CDC123: variants seen among roughly 807,000 people sequenced by gnomAD.
CDC123 encodes the protein translation initiation factor eIF2 assembly protein.
A neutral mutation model predicts 54.4 loss-of-function variants in CDC123; 37 were observed. The ratio of observed to expected loss-of-function variants is 0.68; its 90% CI spans 0.52 to 0.89. CDC123 has a LOEUF of 0.89. Among genes scored for constraint, CDC123 ranks in the 40% least tolerant of loss-of-function variants. The pLI is 0.00. For missense variants in CDC123, 361 were observed against 412.1 expected (o/e 0.88, Z 1.07); for synonymous variants, 144 against 136.8 (o/e 1.05, Z -0.37).
chr10:12,227,974 A>G (rs959634852), intron 6 of CDC123, among the ~76,000 whole-genome samples: 1 of 151,964 alleles, frequency 6.6e-6, no homozygotes, highest in Admixed American at 6.6e-5. Flanking sequence ...GCAGGATCTC[A>G]CTCTGGGCTA....
chr10:12,220,677 G>A (rs2131744071), intron 6 of CDC123, among the ~76,000 whole-genome samples: 1 of 152,290 alleles, frequency 6.6e-6, no homozygotes, highest in Admixed American at 6.5e-5. Context: ...AGGCCTTGAA[G>A]AGCTCTTAAA....
chr10:12,244,064 TGAAAACATCCTGC>T (rs889690482), intron 10 of CDC123, among the ~76,000 whole-genome samples: 6 of 152,206 alleles, frequency 3.9e-5, no homozygotes, highest in East Asian at 3.8e-4. Context: ...TGGGTTGTGC[TGAAAACATCCTGC>T]GAAAACATCC....
intron 6 of CDC123, among the ~76,000 whole-genome samples, chr10:12,219,830 G>T (rs1167093089): frequency 2.6e-5 from 4 of 152,006 alleles, no homozygotes; most frequent in Admixed American, 1.3e-4. Context: ...GATTACAGGC[G>T]CATGGCTACC....
At position 12,231,302 on chromosome 10, in the gene CDC123, AT is replaced by A. The variant is rs1835899390; in HGVS notation, c.489+308del. Reference sequence around the variant, plus strand: ...TGTTTCAGCATTTTACCATTTTTATATTGTTCACTCACCTTACAAATAACTT... The same window carrying A: ...TGTTTCAGCATTTTACCATTTTTATATGTTCACTCACCTTACAAATAACTT... On this transcript the variant is annotated intron_variant, in intron 7 of 12. Coordinates refer to ENST00000281141, the MANE Select transcript of CDC123 (RefSeq NM_006023.3). 3.3e-5 allele frequency among the ~76,000 whole-genome samples: 5 copies of A among 152,074 alleles called. No individual in the cohort carries two copies. In the South Asian group the frequency reaches 1.0e-3, roughly 32 times the overall value.
In CDC123 at chr10:12,233,278, TACACACACACACACAC is replaced by T. The variant is rs57596982; in HGVS notation, c.490-1747_490-1732del. 8.9e-5 allele frequency among the ~76,000 whole-genome samples: 13 copies of T among 145,676 alleles called. No homozygotes were observed. In the South Asian group the frequency reaches 2.9e-3, roughly 32 times the overall value. ...TTCTCCTGTCTGTGTGTATTTAAAA[TACACACACACACACAC>T]ACACACACACACACACACACACTCT... On this transcript the variant is annotated intron_variant, in intron 7 of 12. Transcript: ENST00000281141.
chr10:12,239,127 C>A (rs796104286), intron 10 of CDC123, among the ~76,000 whole-genome samples: 1 of 152,116 alleles, frequency 6.6e-6, no homozygotes, highest in African/African-American at 2.4e-5. Context: ...TGCTCTCCAG[C>A]CAGGGTGACA....
chr10:12,249,057 G>A (rs540147930), intron 11 of CDC123, among the ~76,000 whole-genome samples: 1 of 151,596 alleles, frequency 6.6e-6, no homozygotes, highest in Non-Finnish European at 1.5e-5. Context: ...GTTGCAGTGA[G>A]CAACAGAGAC....
At chr10:12,233,694 A>G (rs1362599378) in intron 7 of CDC123, among the ~76,000 whole-genome samples, 3 of 152,102 alleles carry the variant, frequency 2.0e-5, no homozygotes, top group Non-Finnish European at 2.9e-5. Context: ...TTTAATAATT[A>G]CGTATTTTTT....
intron 7 of CDC123, among the ~76,000 whole-genome samples, chr10:12,234,164 G>A (rs1835944586): frequency 6.6e-6 from 1 of 151,968 alleles, no homozygotes; most frequent in Admixed American, 6.5e-5. Flanking sequence ...GCGCAATCTC[G>A]GCTCACTGCA....
intron 11 of CDC123, among the ~76,000 whole-genome samples, chr10:12,248,754 TGA>T (rs1457447495): frequency 6.7e-6 from 1 of 149,454 alleles, no homozygotes; most frequent in Non-Finnish European, 1.5e-5. Flanking sequence ...TGCGATGAGC[TGA>T]GATTGCTCCA....
chr10:12,248,890 A>T (rs531291050), intron 11 of CDC123, among the ~76,000 whole-genome samples: 1 of 151,942 alleles, frequency 6.6e-6, no homozygotes, highest in African/African-American at 2.4e-5. Flanking sequence ...CAGGCAGATC[A>T]CCTGAGGTCA....
intron 2 of CDC123, among the ~76,000 whole-genome samples, chr10:12,209,496 A>C (rs956942604): frequency 1.3e-5 from 2 of 152,128 alleles, no homozygotes; most frequent in African/African-American, 4.8e-5. Context: ...CAGCCTCTCA[A>C]AGTGCTGAAA....
At chr10:12,198,948 A>G (rs1011096191) in intron 2 of CDC123, 172 bp downstream of exon 2, 45 of 515,000 alleles carry the variant, frequency 8.7e-5, no homozygotes, top group African/African-American at 7.6e-4. Context: ...TATTTTCAAC[A>G]TTAAGTACTT....
At chr10:12,237,487 T>G in intron 9 of CDC123, 1 of 265,702 alleles carries the variant, frequency 3.8e-6, no homozygotes, top group Middle Eastern at 1.4e-3. Context: ...CAGGCTGGAG[T>G]GCAGTGGTGC....
At chr10:12,217,943 G>C (rs189924378) in intron 6 of CDC123, among the ~76,000 whole-genome samples, 2 of 152,216 alleles carry the variant, frequency 1.3e-5, no homozygotes, top group African/African-American at 4.8e-5. Flanking sequence ...CAAAAAATTA[G>C]CCGGGCGTGG....
intron 10 of CDC123, among the ~76,000 whole-genome samples, chr10:12,239,790 C>T (rs1236123545): frequency 3.3e-5 from 5 of 151,172 alleles, no homozygotes; most frequent in African/African-American, 4.9e-5. Flanking sequence ...GGGCAGATCA[C>T]GAGGTCAGGA....
intron 6 of CDC123, among the ~76,000 whole-genome samples, chr10:12,219,015 G>A (rs1008045670): frequency 6.6e-6 from 1 of 152,214 alleles, no homozygotes; most frequent in Non-Finnish European, 1.5e-5. Flanking sequence ...AGAAGCAGGA[G>A]CATGAGAGTG....
chr10:12,202,883 C>G (rs576540121), intron 2 of CDC123, among the ~76,000 whole-genome samples: 1 of 152,142 alleles, frequency 6.6e-6, no homozygotes, highest in Non-Finnish European at 1.5e-5. Context: ...GACGTGGTGG[C>G]GCACTCCTGT....
intron 10 of CDC123, among the ~76,000 whole-genome samples, chr10:12,244,462 G>A (rs537258654): frequency 7.2e-5 from 11 of 152,074 alleles, no homozygotes; most frequent in Non-Finnish European, 1.6e-4. Flanking sequence ...CTGTGCCCCC[G>A]CTCTGTGCGT....
Sources: gnomAD v4.1 joint callset for allele counts (sites outside exome capture counted in the v4.1 genomes callset) on GRCh38, gnomAD v4.1.1 for gene constraint, MANE v1.5 for transcripts, NCBI Gene and HGNC (gene_info 2026-07-23, HGNC 2026-07-21) for gene names.